Variants in CNTN1 observed in about 807,000 individuals in gnomAD.
The protein encoded by CNTN1 is contactin 1.
CNTN1 carries 38 observed loss-of-function variants against 126.4 expected under a neutral mutation model. The observed-to-expected ratio is 0.30, with a 90% CI of 0.23 to 0.39. The LOEUF (loss-of-function observed/expected upper bound fraction) is 0.39, where lower values mean the gene tolerates loss of function less well. Among genes scored for constraint, CNTN1 ranks in the 10% least tolerant of loss-of-function variants. The pLI, the probability that CNTN1 is intolerant of heterozygous loss-of-function variation, is 1.00. For missense variants in CNTN1, 1,009 were observed against 1,248.4 expected, an observed-to-expected ratio of 0.81 and a Z score of 2.89; for synonymous variants, 413 against 422.6, an observed-to-expected ratio of 0.98 and a Z score of 0.28.
At chr12:40,937,037 A>T (rs1194646354) in intron 10 of CNTN1, 132 bp downstream of exon 10, 2 of 1,089,532 alleles carry the variant, frequency 1.8e-6, no homozygotes, top group Admixed American at 3.6e-5. Flanking sequence ...AAAGCTTCCT[A>T]AAAAAGACAA....
At chr12:40,874,761 T>G (rs1943614201) in intron 1 of CNTN1, among the ~76,000 whole-genome samples, 1 of 152,188 alleles carries the variant, frequency 6.6e-6, no homozygotes, top group South Asian at 2.1e-4. Context: ...GTTTTAAAAC[T>G]TATACTATTT....
chr12:40,881,443 G>A (rs907514386), intron 1 of CNTN1, among the ~76,000 whole-genome samples: 3 of 151,766 alleles, frequency 2.0e-5, no homozygotes, highest in Admixed American at 2.0e-4. Context: ...ACACATATTA[G>A]GGCTATACTA....
intron 1 of CNTN1, among the ~76,000 whole-genome samples, chr12:40,738,645 A>T (rs561258969): frequency 6.6e-6 from 1 of 152,182 alleles, no homozygotes; most frequent in South Asian, 2.1e-4. Context: ...TGAGAGATAA[A>T]TGACCCGTTA....
chr12:40,826,446 G>A lies in CNTN1; in HGVS notation c.-76-81911G>A, dbSNP rs192103789. ...GCAAATATGAAAATAGAAGCTACCC[G>A]GGGCAGAACAAAACATTGTGGCACA... On this transcript the variant is annotated intron_variant, in intron 1 of 23. Coordinates refer to ENST00000551295, the MANE Select transcript of CNTN1 (RefSeq NM_001843.4). Among the ~76,000 whole-genome samples, 620 of 152,188 alleles carry A rather than the reference G, an allele frequency of 4.1e-3. 2 individuals are homozygous for A. The highest frequency in any genetic ancestry group is 6.9e-3 in the Non-Finnish European group (466 of 68,000).
At chr12:40,766,338 C>T (rs1375785295) in intron 1 of CNTN1, among the ~76,000 whole-genome samples, 17 of 130,238 alleles carry the variant, frequency 1.3e-4, no homozygotes, top group South Asian at 4.9e-4. Flanking sequence ...GCCTGGGTGA[C>T]GGAATGAAAC....
chr12:41,052,406 G>T (rs770515183), intron 23 of CNTN1, among the ~76,000 whole-genome samples: 1 of 152,066 alleles, frequency 6.6e-6, no homozygotes, highest in Non-Finnish European at 1.5e-5. Context: ...GAATATATAT[G>T]CAGTGGCTTT....
intron 1 of CNTN1, among the ~76,000 whole-genome samples, chr12:40,707,253 T>TTTTTTTTTTTTTTTTTTC (rs1941789067): frequency 9.7e-6 from 1 of 103,034 alleles, no homozygotes; most frequent in African/African-American, 3.9e-5. Context: ...TTTTTTTTTT[T>TTTTTTTTTTTTTTTTTTC]TTTTTTTTTT....
chr12:40,887,795 A>G (rs894467198), intron 1 of CNTN1, among the ~76,000 whole-genome samples: 1 of 152,150 alleles, frequency 6.6e-6, no homozygotes, highest in Non-Finnish European at 1.5e-5. Context: ...CTGGATTAAG[A>G]AAATGTGGCG....
chr12:40,937,563 T>C lies in CNTN1; in HGVS notation c.1111-7T>C, dbSNP rs747077038. On this transcript the variant is annotated splice_polypyrimidine_tract_variant and splice_region_variant and intron_variant, in intron 10 of 23. Coordinates refer to ENST00000551295, the MANE Select transcript of CNTN1 (RefSeq NM_001843.4). ...TTGAGAATATGTTTCAATTTTATTC[T>C]TTTCAGTATCATAAAGGGGAATTAA... 9.9e-6 allele frequency: 15 copies of C among 1,513,768 alleles called. No individual in the cohort carries two copies. The highest frequency in any genetic ancestry group is 3.4e-5 in the South Asian group (3 of 89,132). 93.8% of individuals were successfully genotyped at this position (1,513,768 alleles called of 1,614,324 possible).
chr12:41,065,061 T>A (rs1950020199), intron 23 of CNTN1, among the ~76,000 whole-genome samples: 1 of 152,110 alleles, frequency 6.6e-6, no homozygotes, highest in Non-Finnish European at 1.5e-5. Flanking sequence ...TTATTTTATT[T>A]TTTTATTTTT....
chr12:40,954,364 A>T (rs1744265835), intron 14 of CNTN1, among the ~76,000 whole-genome samples: 1 of 151,936 alleles, frequency 6.6e-6, no homozygotes. Flanking sequence ...TAATTATTTT[A>T]TATTTTATTT....
At chr12:40,988,082 C>T (rs1388154096) in intron 16 of CNTN1, among the ~76,000 whole-genome samples, 2 of 152,092 alleles carry the variant, frequency 1.3e-5, no homozygotes, top group Non-Finnish European at 2.9e-5. Flanking sequence ...ACACAGCTTG[C>T]TTTACTTTTG....
At chr12:40,844,199 CTGGGTCTACAGGCA>C in intron 1 of CNTN1, among the ~76,000 whole-genome samples, 1 of 151,640 alleles carries the variant, frequency 6.6e-6, no homozygotes, top group Non-Finnish European at 1.5e-5. Flanking sequence ...TCCCGAGTAG[CTGGGTCTACAGGCA>C]TGCGCCACCA....
chr12:40,729,255 C>G (rs1309269920), intron 1 of CNTN1: 1 of 170,720 alleles, frequency 5.9e-6, no homozygotes, highest in Non-Finnish European at 1.3e-5. Context: ...AATATTGCTG[C>G]TGGGCTGGTT....
chr12:40,806,520 A>G (rs1295197494), intron 1 of CNTN1, among the ~76,000 whole-genome samples: 1 of 152,126 alleles, frequency 6.6e-6, no homozygotes, highest in African/African-American at 2.4e-5. Context: ...CTATTCCTCC[A>G]CAGTTCCCAA....
At chr12:40,997,961 A>G (rs373713709) in intron 17 of CNTN1, among the ~76,000 whole-genome samples, 154 of 152,324 alleles carry the variant, frequency 1.0e-3, no homozygotes, top group African/African-American at 3.5e-3. Flanking sequence ...AGTGCTTCAC[A>G]CAACACAATG....
chr12:40,922,279 T>C lies in CNTN1; in HGVS notation c.251T>C (p.Val84Ala), dbSNP rs1945469946. ...VYKWRMNNGD[V>A]DLTSDRYSMV... is the part of the protein sequence containing the mutation. ...AGATGGAGAATGAATAATGGGGACGTTGATCTCACAAGTGATCGATACAGT... is the reference window on the plus strand; with the variant it reads ...AGATGGAGAATGAATAATGGGGACGCTGATCTCACAAGTGATCGATACAGT... Residue 84 changes from valine to alanine, a missense_variant, in exon 5 of 24, where the codon GTT becomes GCT. Coordinates refer to ENST00000551295, the MANE Select transcript of CNTN1 (RefSeq NM_001843.4). The C allele has an allele frequency of 6.2e-7, 1 of 1,614,018 alleles. No individual in the cohort carries two copies. The highest frequency in any genetic ancestry group is 8.5e-7 in the Non-Finnish European group (1 of 1,179,924).
At chr12:40,865,105 A>T (rs900051364) in intron 1 of CNTN1, among the ~76,000 whole-genome samples, 6 of 152,068 alleles carry the variant, frequency 3.9e-5, no homozygotes, top group Non-Finnish European at 5.9e-5. Flanking sequence ...AATGATTTGG[A>T]TGTCTTTTCA....
At chr12:41,027,010 A>G (rs767626730) in intron 21 of CNTN1, among the ~76,000 whole-genome samples, 1 of 152,280 alleles carries the variant, frequency 6.6e-6, no homozygotes, top group South Asian at 2.1e-4. Context: ...ACTAAATACC[A>G]AATTTCTGCT....
Sources: allele counts gnomAD v4.1 joint callset (sites outside exome capture counted in the v4.1 genomes callset), GRCh38; gene constraint gnomAD v4.1.1; transcripts MANE v1.5; gene names NCBI Gene and HGNC (gene_info 2026-07-23, HGNC 2026-07-21).